The following PCDHGB3 variants were observed in gnomAD, a reference collection of about 807,000 sequenced individuals.
PCDHGB3 encodes the protein protocadherin gamma subfamily B, 3, also known as protocadherin gamma-B3.
In PCDHGB3, 40 loss-of-function variants were observed where a neutral mutation model predicts 59.2. The ratio of observed to expected loss-of-function variants is 0.68; its 90% confidence interval spans 0.52 to 0.88. The LOEUF is 0.88. Ranked by LOEUF, PCDHGB3 falls within the 40% of genes least tolerant of loss-of-function variation. The pLI is 0.00. For missense variants in PCDHGB3, 1,309 were observed against 1,187.9 expected, an observed-to-expected ratio of 1.10 and a Z score of -1.50; for synonymous variants, 581 against 503.6, an observed-to-expected ratio of 1.15 and a Z score of -2.06.
chr5:141,414,302 A>G (rs2095732200), intron 1 of PCDHGB3: 3 of 1,613,678 alleles, frequency 1.9e-6, no homozygotes, highest in Non-Finnish European at 2.5e-6. Flanking sequence ...TTAAATGTGC[A>G]TGATTTAGAC....
At chr5:141,393,222 G>T (rs950133126) in intron 1 of PCDHGB3, 2 of 1,613,670 alleles carry the variant, frequency 1.2e-6, no homozygotes, top group East Asian at 2.2e-5. Flanking sequence ...CCAGGTCGAA[G>T]ATCTAGAAGT....
chr5:141,395,414 T>A (rs1254527655), intron 1 of PCDHGB3: 7 of 780,958 alleles, frequency 9.0e-6, no homozygotes, highest in Non-Finnish European at 1.4e-5. Flanking sequence ...TAGGTTATTG[T>A]TTCATTTGCT....
Position 141,491,048 on chromosome 5 carries a change from C to T in PCDHGB3, c.2416-3759C>T, listed in dbSNP as rs755163825. The T allele has an allele frequency of 7.4e-6, 12 of 1,613,948 alleles. No individual in the cohort carries two copies. Among genetic ancestry groups the T allele is most frequent in the South Asian group, 4.4e-5 (4 of 91,090 alleles). ...GTGGATGCTGATGCAGGCCACAATG[C>T]GTGGCTCTCCTACTCACTGTTGCCA... On this transcript the variant is annotated intron_variant, in intron 1 of 3. Coordinates refer to ENST00000576222, the MANE Select transcript of PCDHGB3 (RefSeq NM_018924.5). The surrounding 1 kb of genome is among the most constrained non-coding windows in gnomAD (Gnocchi z 6.9).
chr5:141,483,472 T>C (rs1457039859), intron 1 of PCDHGB3, among the ~76,000 whole-genome samples: 2 of 152,076 alleles, frequency 1.3e-5, no homozygotes, highest in Non-Finnish European at 2.9e-5. Flanking sequence ...TGACATGATA[T>C]AGGAAGTGAG....
chr5:141,420,744 C>T (rs1202150921), intron 1 of PCDHGB3, among the ~76,000 whole-genome samples: 8 of 152,194 alleles, frequency 5.3e-5, no homozygotes, highest in Admixed American at 5.2e-4. Context: ...TCAATTGGAA[C>T]CAACTACAAC....
At chr5:141,372,958 T>TACAA in intron 1 of PCDHGB3, 149 bp downstream of exon 1, 9 of 710,562 alleles carry the variant, frequency 1.3e-5, no homozygotes, top group South Asian at 2.1e-5. Context: ...AAATTCTTTG[T>TACAA]AGAATTTCCT....
At chr5:141,481,718 C>T (rs942120251) in intron 1 of PCDHGB3, among the ~76,000 whole-genome samples, 6 of 152,082 alleles carry the variant, frequency 3.9e-5, no homozygotes, top group East Asian at 1.9e-4. Context: ...CTTTGGGAGG[C>T]GGAGGCGGGC....
chr5:141,394,509 G>T lies in PCDHGB3; in HGVS notation c.2415+21700G>T, dbSNP rs367855808. 10 of 1,614,028 alleles carry T rather than the reference G, an allele frequency of 6.2e-6. No homozygotes were observed. The highest frequency in any genetic ancestry group is 7.6e-6 in the Non-Finnish European group (9 of 1,180,034). On this transcript the variant is annotated intron_variant, in intron 1 of 3. Transcript: ENST00000576222. ...CAACGCGCCCGAGATCCTGTACCCCGCCCTCCCCACAGACGGTTCCACTGG... is the reference window on the plus strand; with the variant it reads ...CAACGCGCCCGAGATCCTGTACCCCTCCCTCCCCACAGACGGTTCCACTGG...
chr5:141,389,942 G>C lies in PCDHGB3; in HGVS notation c.2415+17133G>C, dbSNP rs775707080. On this transcript the variant is annotated intron_variant, in intron 1 of 3. Coordinates refer to ENST00000576222, the MANE Select transcript of PCDHGB3 (RefSeq NM_018924.5). ...ACCCCTCTGACCTCCAGGCTGAGCT[G>C]CAGTTTTACCTAGTGGTGGCCTTGG... is the stretch of plus-strand genomic sequence containing the variant. The C allele has an allele frequency of 2.5e-6, 4 of 1,613,952 alleles. No individual in the cohort carries two copies. The African/African-American group carries it at 5.3e-5, about 22-fold the overall frequency.
At chr5:141,390,827 A>C (rs1026985432) in intron 1 of PCDHGB3, 1 of 164,666 alleles carries the variant, frequency 6.1e-6, no homozygotes, top group African/African-American at 2.4e-5. Flanking sequence ...TTTTATGTCC[A>C]TGGACCCCTT....
At chr5:141,400,538 A>G (rs994052728) in intron 1 of PCDHGB3, 1 of 1,613,662 alleles carries the variant, frequency 6.2e-7, no homozygotes, top group African/African-American at 1.3e-5. Context: ...AGTTTCATTT[A>G]TGTCTATTCT....
At chr5:141,410,039 G>A (rs1413013254) in intron 1 of PCDHGB3, 2 of 1,613,264 alleles carry the variant, frequency 1.2e-6, no homozygotes, top group South Asian at 1.1e-5. Context: ...GCAGGCCAGT[G>A]AGCCCGGACT....
chr5:141,508,721 G>A (rs1266581528), intron 3 of PCDHGB3, among the ~76,000 whole-genome samples: 1 of 151,930 alleles, frequency 6.6e-6, no homozygotes, highest in Non-Finnish European at 1.5e-5. Flanking sequence ...TCTGTGTGCA[G>A]GGAGACTACA....
intron 1 of PCDHGB3, chr5:141,384,334 C>G (rs1779970411): frequency 2.5e-6 from 4 of 1,613,846 alleles, no homozygotes; most frequent in Non-Finnish European, 2.5e-6. Flanking sequence ...TGCACAGGAC[C>G]ACGACAGTGA....
chr5:141,500,271 C>T (rs936454651), intron 2 of PCDHGB3, among the ~76,000 whole-genome samples: 3 of 151,598 alleles, frequency 2.0e-5, no homozygotes, highest in African/African-American at 7.3e-5. Flanking sequence ...TGCAGTGGCG[C>T]AATCTCGGCT....
intron 1 of PCDHGB3, chr5:141,395,210 A>G (rs200048432): frequency 1.2e-6 from 2 of 1,613,418 alleles, no homozygotes; most frequent in East Asian, 2.2e-5. Context: ...ATTTTCATGA[A>G]TATAAGAATG....
chr5:141,399,944 A>C, intron 1 of PCDHGB3: 1 of 1,612,254 alleles, frequency 6.2e-7, no homozygotes, highest in Non-Finnish European at 8.5e-7. Context: ...CACGTGCTGC[A>C]GGCTAGCGAG....
intron 1 of PCDHGB3, chr5:141,405,019 T>C (rs2094597771): frequency 6.2e-7 from 1 of 1,613,860 alleles, no homozygotes; most frequent in African/African-American, 1.3e-5. Flanking sequence ...CCTCAGACCT[T>C]ACCCTCTACC....
intron 1 of PCDHGB3, chr5:141,408,675 CG>C (rs757230674): frequency 2.3e-5 from 37 of 1,613,832 alleles, no homozygotes; most frequent in Non-Finnish European, 3.1e-5. Flanking sequence ...GACCCTGCCA[CG>C]GATCCTGATA....
Sources: allele counts gnomAD v4.1 joint callset (sites outside exome capture counted in the v4.1 genomes callset), GRCh38; gene constraint gnomAD v4.1.1; non-coding constraint Gnocchi (gnomAD v3.1); transcripts MANE v1.5; gene names NCBI Gene and HGNC (gene_info 2026-07-23, HGNC 2026-07-21).